PRICKLE2: variants seen among roughly 807,000 people sequenced by gnomAD.
PRICKLE2 encodes prickle-like protein 2.
Under a neutral mutation model 81.4 loss-of-function variants are expected in PRICKLE2, and 21 were observed. The observed-to-expected ratio is 0.26, with a 90% CI of 0.18 to 0.37. The LOEUF is 0.37. Among genes scored for constraint, PRICKLE2 ranks in the 10% least tolerant of loss-of-function variants. The pLI, the probability that PRICKLE2 is intolerant of heterozygous loss-of-function variation, is 1.00. For missense variants in PRICKLE2, 940 were observed against 1,109.0 expected, an observed-to-expected ratio of 0.85 and a Z score of 2.16; for synonymous variants, 456 against 421.5, an observed-to-expected ratio of 1.08 and a Z score of -1.00.
intron 7 of PRICKLE2, among the ~76,000 whole-genome samples, chr3:64,132,715 A>C (rs1199790485): frequency 2.0e-5 from 3 of 152,226 alleles, no homozygotes; most frequent in African/African-American, 7.2e-5. Context: ...GGTATAGAGA[A>C]TAGATAAAAC....
At chr3:64,222,655 A>G (rs985182333) in intron 1 of PRICKLE2, among the ~76,000 whole-genome samples, 2 of 152,314 alleles carry the variant, frequency 1.3e-5, no homozygotes, top group East Asian at 3.9e-4. Context: ...CATAAGCTGA[A>G]GGCACCCAGA....
At chr3:64,262,090 G>T (rs1225238745) in intron 2 of PRICKLE2, among the ~76,000 whole-genome samples, 3 of 152,002 alleles carry the variant, frequency 2.0e-5, no homozygotes, top group African/African-American at 7.2e-5. Context: ...CATCAATTTT[G>T]AAAAATGCCT....
At chr3:64,129,450 T>C (rs530150759) in intron 7 of PRICKLE2, among the ~76,000 whole-genome samples, 232 of 151,994 alleles carry the variant, frequency 1.5e-3, no homozygotes, top group African/African-American at 5.2e-3. Context: ...ACCTTGGGGA[T>C]GAAAAGAGGA....
chr3:64,130,496 G>A (rs1313630224), intron 7 of PRICKLE2, among the ~76,000 whole-genome samples: 1 of 152,108 alleles, frequency 6.6e-6, no homozygotes, highest in Non-Finnish European at 1.5e-5. Context: ...GGAGTTTTGG[G>A]TAGATTTTGG....
At chr3:64,140,422 C>T (rs879670045) in intron 7 of PRICKLE2, among the ~76,000 whole-genome samples, 6 of 152,314 alleles carry the variant, frequency 3.9e-5, no homozygotes, top group South Asian at 2.1e-4. Flanking sequence ...GAGGTCCTTC[C>T]TATGGGACCC....
intron 2 of PRICKLE2, among the ~76,000 whole-genome samples, chr3:64,261,241 G>A (rs530042924): frequency 6.6e-6 from 1 of 152,252 alleles, no homozygotes; most frequent in Admixed American, 6.5e-5. Context: ...GAAGTAAGAG[G>A]GAGATGAGGA....
chr3:64,109,630 C>T (rs1204851975), intron 7 of PRICKLE2, among the ~76,000 whole-genome samples: 1 of 152,188 alleles, frequency 6.6e-6, no homozygotes, highest in Non-Finnish European at 1.5e-5. Context: ...TCTTACTTCA[C>T]ACTCCCACCC....
At chr3:64,108,385 C>T (rs1468530184) in intron 7 of PRICKLE2, among the ~76,000 whole-genome samples, 1 of 152,122 alleles carries the variant, frequency 6.6e-6, no homozygotes, top group African/African-American at 2.4e-5. Flanking sequence ...CTAAGTCAAT[C>T]GATTTCCTCA....
chr3:64,179,612 A>G (rs2078091089), intron 2 of PRICKLE2, among the ~76,000 whole-genome samples: 1 of 152,166 alleles, frequency 6.6e-6, no homozygotes, highest in Non-Finnish European at 1.5e-5. Context: ...GGCAATTCAA[A>G]TTTTTTATCC....
intron 2 of PRICKLE2, among the ~76,000 whole-genome samples, chr3:64,245,607 A>C (rs1207189526): frequency 6.6e-6 from 1 of 152,178 alleles, no homozygotes; most frequent in Non-Finnish European, 1.5e-5. Flanking sequence ...GGGGCTTTTG[A>C]CCAGGCAATG....
chr3:64,124,163 CA>C (rs2077072273), intron 7 of PRICKLE2, among the ~76,000 whole-genome samples: 1 of 152,218 alleles, frequency 6.6e-6, no homozygotes, highest in Non-Finnish European at 1.5e-5. Flanking sequence ...GACAGAAAAA[CA>C]AACCAGCCCA....
chr3:64,153,155 C>T, intron 6 of PRICKLE2, 27 bp downstream of exon 6: 1 of 1,610,972 alleles, frequency 6.2e-7, no homozygotes. Context: ...ACAGAAGGAC[C>T]AAGCTGACTG....
intron 1 of PRICKLE2, among the ~76,000 whole-genome samples, chr3:64,203,854 T>C (rs1208243790): frequency 6.7e-6 from 1 of 149,976 alleles, no homozygotes. Flanking sequence ...GGTGGGCACT[T>C]GTAGTCCCAG....
chr3:64,116,851 C>T (rs906243356), intron 7 of PRICKLE2, among the ~76,000 whole-genome samples: 1 of 152,126 alleles, frequency 6.6e-6, no homozygotes, highest in African/African-American at 2.4e-5. Context: ...TTCTATGAGG[C>T]CAGCATCATC....
At chr3:64,101,924 C>G (rs1340712474) in intron 7 of PRICKLE2, 1 of 152,192 alleles carries the variant, frequency 6.6e-6, no homozygotes, top group Admixed American at 6.5e-5. Context: ...ACACCTTGAC[C>G]TTAAGTTCAA....
At chr3:64,157,861 C>T (rs989030150) in intron 4 of PRICKLE2, among the ~76,000 whole-genome samples, 2 of 152,202 alleles carry the variant, frequency 1.3e-5, no homozygotes, top group African/African-American at 2.4e-5. Flanking sequence ...CCTTTAACTA[C>T]CTTCTCTGTG....
intron 1 of PRICKLE2, among the ~76,000 whole-genome samples, chr3:64,222,436 T>C (rs557777341): frequency 5.3e-5 from 8 of 152,070 alleles, no homozygotes; most frequent in Non-Finnish European, 1.0e-4. Context: ...GAGTTCTAAT[T>C]CCCCAAAATT....
intron 7 of PRICKLE2, among the ~76,000 whole-genome samples, chr3:64,131,436 T>C (rs1026279272): frequency 1.3e-5 from 2 of 152,252 alleles, no homozygotes; most frequent in African/African-American, 4.8e-5. Context: ...GATAACAATC[T>C]GCCATGGCTA....
At chr3:64,140,613 C>A (rs1351633732) in intron 7 of PRICKLE2, among the ~76,000 whole-genome samples, 1 of 152,304 alleles carries the variant, frequency 6.6e-6, no homozygotes, top group East Asian at 1.9e-4. Context: ...TACTATATAC[C>A]TGGTCCCAGT....
Sources: allele counts gnomAD v4.1 joint callset (sites outside exome capture counted in the v4.1 genomes callset), GRCh38; gene constraint gnomAD v4.1.1; transcripts MANE v1.5; gene names NCBI Gene and HGNC (gene_info 2026-07-23, HGNC 2026-07-21).